The following PRKN variants were observed in gnomAD, a reference collection of about 807,000 sequenced individuals.
PRKN encodes E3 ubiquitin-protein ligase parkin.
Under a neutral mutation model 59.5 loss-of-function variants are expected in PRKN, and 56 were observed. The ratio of observed to expected loss-of-function variants is 0.94; its 90% CI spans 0.76 to 1.18. PRKN has a LOEUF of 1.18. PRKN is among the 50% of genes most tolerant of loss of function. The pLI, the probability that PRKN is intolerant of heterozygous loss-of-function variation, is 0.00. For synonymous variants in PRKN, 250 were observed against 222.1 expected (o/e 1.13, Z -1.12); for missense variants, 657 against 596.4 (o/e 1.10, Z -1.06).
intron 2 of PRKN, among the ~76,000 whole-genome samples, 173 bp from the exon 3 acceptor site, chr6:162,262,938 A>C (rs1212471956): frequency 6.6e-6 from 1 of 152,018 alleles, no homozygotes; most frequent in Non-Finnish European, 1.5e-5. Context: ...ACGGTAGACA[A>C]ACAACACTGA....
chr6:161,874,020 G>A (rs1357866853), intron 6 of PRKN, among the ~76,000 whole-genome samples: 3 of 39,720 alleles, frequency 7.6e-5, no homozygotes, highest in Non-Finnish European at 9.7e-5. Flanking sequence ...TATATTATAT[G>A]TAAAATATAT....
intron 6 of PRKN, among the ~76,000 whole-genome samples, chr6:161,898,300 T>A (rs546468582): frequency 4.7e-4 from 72 of 152,178 alleles, no homozygotes; most frequent in African/African-American, 1.7e-3. Context: ...TCATGAGGAG[T>A]CCTGATGCAT....
In PRKN at chr6:161,490,360, CCTCT is replaced by C. The variant is rs1216539933; in HGVS notation, c.1083+58490_1083+58493del. 5.8e-4 allele frequency among the ~76,000 whole-genome samples: 82 copies of C among 141,636 alleles called. 1 individual carries two copies. The highest frequency in any genetic ancestry group is 8.8e-4 in the Non-Finnish European group (57 of 64,986). 92.9% of individuals were successfully genotyped at this position (141,636 alleles called of 152,430 possible). A position where few individuals can be genotyped will look rare whatever the true frequency, so the allele number is the denominator to read the frequency against. On this transcript the variant is annotated intron_variant, in intron 9 of 11. Transcript: ENST00000366898. ...TGCTTTCTCTCTCTCTCTCTCTCTC[CCTCT>C]CTCTCTCTCTTTCTTTCTTTCCTTT...
chr6:162,486,412 C>T (rs1201110597), intron 1 of PRKN, among the ~76,000 whole-genome samples: 1 of 152,192 alleles, frequency 6.6e-6, no homozygotes, highest in African/African-American at 2.4e-5. Flanking sequence ...TCATGGTGTA[C>T]CACACCACGT....
At chr6:162,380,532 T>TAC (rs1400954106) in intron 2 of PRKN, among the ~76,000 whole-genome samples, 13 of 143,258 alleles carry the variant, frequency 9.1e-5, no homozygotes, top group Admixed American at 1.4e-4. Flanking sequence ...TATGTATATA[T>TAC]ACATATATAT....
intron 1 of PRKN, among the ~76,000 whole-genome samples, chr6:162,651,031 C>T (rs1448574240): frequency 2.6e-4 from 39 of 152,132 alleles, no homozygotes; most frequent in Admixed American, 2.6e-3. Flanking sequence ...ATTGCCTTTT[C>T]TAGATAGGAT....
chr6:162,572,203 A>C (rs1324039607), intron 1 of PRKN, among the ~76,000 whole-genome samples: 1 of 152,154 alleles, frequency 6.6e-6, no homozygotes, highest in Non-Finnish European at 1.5e-5. Context: ...TGTCATGCTG[A>C]ATGAGTTAAA....
At chr6:161,882,539 G>A (rs1057276256) in intron 6 of PRKN, among the ~76,000 whole-genome samples, 6 of 152,152 alleles carry the variant, frequency 3.9e-5, no homozygotes, top group Non-Finnish European at 8.8e-5. Context: ...CCAGTTTTGG[G>A]GGCTCTGAGT....
intron 4 of PRKN, among the ~76,000 whole-genome samples, chr6:162,163,676 A>T (rs1367524716): frequency 1.3e-5 from 2 of 149,300 alleles, no homozygotes; most frequent in Non-Finnish European, 3.0e-5. Context: ...CACTGCCCTG[A>T]GCAGTCCCAT....
At chr6:161,687,910 T>C (rs1471051003) in intron 7 of PRKN, among the ~76,000 whole-genome samples, 2 of 152,232 alleles carry the variant, frequency 1.3e-5, no homozygotes, top group African/African-American at 4.8e-5. Context: ...GGTAAAATTG[T>C]AATAAGAAAT....
At chr6:162,705,759 C>G (rs909603366) in intron 1 of PRKN, among the ~76,000 whole-genome samples, 4 of 152,156 alleles carry the variant, frequency 2.6e-5, no homozygotes, top group African/African-American at 9.7e-5. Context: ...TTCTGTAACC[C>G]TCAGTCAGCC....
intron 9 of PRKN, among the ~76,000 whole-genome samples, chr6:161,543,218 T>C (rs982357273): frequency 6.6e-6 from 1 of 152,172 alleles, no homozygotes. Context: ...CAGACTCTCA[T>C]TTCACTAAAA....
intron 7 of PRKN, among the ~76,000 whole-genome samples, chr6:161,680,773 A>ATT (rs1486863145): frequency 1.1e-3 from 22 of 19,666 alleles, no homozygotes; most frequent in Admixed American, 1.6e-3. Flanking sequence ...ATATATATAT[A>ATT]TATTTTTTTT....
chr6:161,814,580 G>A (rs1374357028), intron 6 of PRKN, among the ~76,000 whole-genome samples: 2 of 152,070 alleles, frequency 1.3e-5, no homozygotes, highest in East Asian at 1.9e-4. Flanking sequence ...TTGGCTCACC[G>A]CAACCTCCGC....
chr6:161,676,291 T>G (rs1785084365), intron 7 of PRKN, among the ~76,000 whole-genome samples: 1 of 152,204 alleles, frequency 6.6e-6, no homozygotes, highest in Non-Finnish European at 1.5e-5. Flanking sequence ...ACCCACTACA[T>G]TAATTTGCAT....
At chr6:161,984,279 A>G (rs1781354243) in intron 5 of PRKN, among the ~76,000 whole-genome samples, 1 of 152,054 alleles carries the variant, frequency 6.6e-6, no homozygotes, top group Non-Finnish European at 1.5e-5. Context: ...TTATTTTGAG[A>G]TGGAGTCTCA....
intron 5 of PRKN, among the ~76,000 whole-genome samples, chr6:161,996,370 C>G (rs989294404): frequency 2.6e-5 from 4 of 152,120 alleles, no homozygotes; most frequent in Admixed American, 1.3e-4. Context: ...TGAACTGACC[C>G]AAATAAAAGG....
intron 9 of PRKN, among the ~76,000 whole-genome samples, chr6:161,500,864 GT>G (rs373088841): frequency 0.18 from 23,349 of 131,944 alleles, 3,048 homozygotes; most frequent in African/African-American, 0.34. Flanking sequence ...GTTTAGTTTA[GT>G]TTTTTTTTTT....
At chr6:162,656,128 C>G (rs1056278488) in intron 1 of PRKN, among the ~76,000 whole-genome samples, 7 of 152,138 alleles carry the variant, frequency 4.6e-5, no homozygotes, top group African/African-American at 1.7e-4. Context: ...TACAACAGTA[C>G]CAAGCACATA....
Sources: allele counts gnomAD v4.1 joint callset (sites outside exome capture counted in the v4.1 genomes callset), GRCh38; gene constraint gnomAD v4.1.1; transcripts MANE v1.5; gene names NCBI Gene and HGNC (gene_info 2026-07-23, HGNC 2026-07-21).